ADGRE3: variants seen among roughly 807,000 people sequenced by gnomAD.
ADGRE3 encodes EGF-like module receptor 3.
ADGRE3 carries 88 observed loss-of-function variants against 80.1 expected under a neutral mutation model. That is an observed-to-expected ratio of 1.10 (90% CI 0.93 to 1.31). ADGRE3 has a LOEUF of 1.31. Among genes scored for constraint, ADGRE3 ranks in the 40% most tolerant of loss-of-function variants. The pLI is 0.00. For synonymous variants in ADGRE3, 281 were observed against 294.8 expected (o/e 0.95, Z 0.48); for missense variants, 715 against 776.5 (o/e 0.92, Z 0.94).
At chr19:14,625,155 T>G (rs1458120587) in intron 15 of ADGRE3, among the ~76,000 whole-genome samples, 1 of 152,132 alleles carries the variant, frequency 6.6e-6, no homozygotes, top group South Asian at 2.1e-4. Flanking sequence ...AATTTTTGTA[T>G]TTTTAGTAGA....
At chr19:14,641,195 T>G (rs977398402) in intron 10 of ADGRE3, among the ~76,000 whole-genome samples, 5 of 152,344 alleles carry the variant, frequency 3.3e-5, no homozygotes, top group African/African-American at 1.2e-4. Context: ...CTCCCATGTA[T>G]ATATGAAATA....
At chr19:14,601,756 C>A in the ADGRE3 span, among the ~76,000 whole-genome samples, 1 of 152,120 alleles carries the variant, frequency 6.6e-6, no homozygotes, top group Non-Finnish European at 1.5e-5. Context: ...GTAGCTAGGA[C>A]AACCAGGCAC....
At chr19:14,621,223 C>T (rs1193919016) in intron 15 of ADGRE3, among the ~76,000 whole-genome samples, 21 of 152,098 alleles carry the variant, frequency 1.4e-4, no homozygotes, top group East Asian at 7.8e-4. Flanking sequence ...GAAGCTGAGG[C>T]GGGCGGATCA....
At chr19:14,600,150 C>T in the ADGRE3 span, 4 of 1,613,934 alleles carry the variant, frequency 2.5e-6, no homozygotes, top group Non-Finnish European at 3.4e-6. Context: ...GAATTACTCT[C>T]ACTTGGTCAT....
chr19:14,658,451 TG>T (rs751045842), intron 5 of ADGRE3, 61 bp downstream of exon 5: 26 of 1,354,032 alleles, frequency 1.9e-5, no homozygotes, highest in Non-Finnish European at 2.6e-5. Flanking sequence ...CTTTGGGCTT[TG>T]TAAATATTTG....
At chr19:14,600,996 G>A in the ADGRE3 span, among the ~76,000 whole-genome samples, 3 of 143,880 alleles carry the variant, frequency 2.1e-5, no homozygotes, top group African/African-American at 7.7e-5. Flanking sequence ...TCTGCCTCCC[G>A]GGTTCAAGCA....
chr19:14,603,639 T>C, the ADGRE3 span, among the ~76,000 whole-genome samples: 1 of 152,068 alleles, frequency 6.6e-6, no homozygotes, highest in African/African-American at 2.4e-5. Flanking sequence ...TTTGTATTTT[T>C]TTTTTTAGTA....
At chr19:14,662,213 G>A in intron 3 of ADGRE3, 95 bp from the exon 4 acceptor site, 2 of 1,252,980 alleles carry the variant, frequency 1.6e-6, no homozygotes, top group Non-Finnish European at 2.2e-6. Context: ...CCCATGGTCT[G>A]TCCTGGCTTT....
At chr19:14,604,441 T>C in the ADGRE3 span, among the ~76,000 whole-genome samples, 1 of 152,150 alleles carries the variant, frequency 6.6e-6, no homozygotes, top group East Asian at 1.9e-4. Flanking sequence ...AGAAATATTT[T>C]CTTTTACAAA....
At chr19:14,620,549 TA>T (rs1568471498) in intron 15 of ADGRE3, among the ~76,000 whole-genome samples, 8 of 2,546 alleles carry the variant, frequency 3.1e-3, no homozygotes, top group Admixed American at 7.0e-3. Flanking sequence ...ATATATATAT[TA>T]TATATATATA....
the ADGRE3 span, among the ~76,000 whole-genome samples, chr19:14,608,690 G>C: frequency 6.9e-6 from 1 of 144,158 alleles, no homozygotes; most frequent in Non-Finnish European, 1.5e-5. Flanking sequence ...CTGAAGTGCA[G>C]TGGTGCAGTC....
intron 2 of ADGRE3, 31 bp downstream of exon 2, chr19:14,668,771 C>T (rs765041191): frequency 6.2e-7 from 1 of 1,608,454 alleles, no homozygotes; most frequent in Non-Finnish European, 8.5e-7. Flanking sequence ...CCTTGGTCCA[C>T]AAGTTCTCTG....
Position 14,651,094 on chromosome 19 carries a change from C to T in ADGRE3, c.688G>A (p.Asp230Asn). 2 of 1,614,086 alleles carry T rather than the reference C, an allele frequency of 1.2e-6. No individual in the cohort carries two copies. The highest frequency in any genetic ancestry group is 1.3e-5 in the African/African-American group (1 of 75,042). ...CAGCCATCAGGCATACCTTGTGTGTCTCCCTGGATGATGTCACTGCAACGG... is the reference window on the plus strand; with the variant it reads ...CAGCCATCAGGCATACCTTGTGTGTTTCCCTGGATGATGTCACTGCAACGG... Reference protein sequence around the residue: ...DIRCSDIIQGDTQGPSAIAFI... With the variant: ...DIRCSDIIQGNTQGPSAIAFI... The change falls in exon 7 of 16, where the codon GAC becomes AAC. Residue 230 changes from aspartate to asparagine, a missense_variant. By Grantham distance (23) the Asp-to-Asn change is conservative (BLOSUM62 1). Coordinates refer to ENST00000253673, the MANE Select transcript of ADGRE3 (RefSeq NM_032571.5).
intron 10 of ADGRE3, 34 bp from the exon 11 acceptor site, chr19:14,638,374 G>A: frequency 6.4e-7 from 1 of 1,553,200 alleles, no homozygotes. Flanking sequence ...TGAAGGGGTT[G>A]TCAGGGTGGA....
intron 6 of ADGRE3, among the ~76,000 whole-genome samples, chr19:14,654,185 T>C (rs1485877169): frequency 6.6e-6 from 1 of 151,856 alleles, no homozygotes. Flanking sequence ...ACTACTGGCC[T>C]CAAGTGATCC....
downstream of ADGRE3, among the ~76,000 whole-genome samples, chr19:14,614,995 C>T (rs554692834): frequency 1.3e-5 from 2 of 151,480 alleles, no homozygotes; most frequent in East Asian, 3.9e-4. Flanking sequence ...AAGTGATCCT[C>T]CCACCTCAGC....
chr19:14,612,640 C>T, the ADGRE3 span, among the ~76,000 whole-genome samples: 2 of 152,092 alleles, frequency 1.3e-5, no homozygotes, highest in African/African-American at 2.4e-5. Flanking sequence ...GGGCCTACAA[C>T]GACCACTTTA....
chr19:14,674,651 G>A, intron 1 of ADGRE3, 95 bp downstream of exon 1: 1 of 1,286,212 alleles, frequency 7.8e-7, no homozygotes, highest in Non-Finnish European at 1.1e-6. Flanking sequence ...GTTCAGAGCA[G>A]AAGAAAGAGG....
chr19:14,620,073 A>C lies in ADGRE3; in HGVS notation c.1921-602T>G, dbSNP rs138719233. The stretch of plus-strand genomic sequence containing the variant: ...GTCAAGCTTGACTTTTTCCATAGGC[A>C]ACATTGCCTGGCGACCTATCTGATC... On this transcript the variant is annotated intron_variant, in intron 15 of 15. Transcript: ENST00000253673. Among the ~76,000 whole-genome samples, 1,184 of 152,288 alleles carry C rather than the reference A, an allele frequency of 7.8e-3. 16 individuals carry two copies. Among genetic ancestry groups the C allele is most frequent in the African/African-American group, 0.028 (1,149 of 41,546 alleles).
Sources: gnomAD v4.1 joint callset for allele counts (sites outside exome capture counted in the v4.1 genomes callset) on GRCh38, gnomAD v4.1.1 for gene constraint, MANE v1.5 for transcripts, NCBI Gene and HGNC (gene_info 2026-07-23, HGNC 2026-07-21) for gene names.